PHTF1: variants seen among roughly 807,000 people sequenced by gnomAD.
The protein encoded by PHTF1 is protein PHTF1.
PHTF1 carries 88 observed loss-of-function variants against 102.4 expected under a neutral mutation model. That is an observed-to-expected ratio of 0.86 (90% CI 0.72 to 1.03). PHTF1 has a LOEUF of 1.03. Ranked by LOEUF, PHTF1 falls within the 50% of genes least tolerant of loss-of-function variation. PHTF1 has a pLI of 0.00. For synonymous variants in PHTF1, 289 were observed against 305.2 expected, an observed-to-expected ratio of 0.95 and a Z score of 0.55; for missense variants, 814 against 909.5, an observed-to-expected ratio of 0.89 and a Z score of 1.35.
At chr1:113,715,717 A>G (rs1651908555) in intron 7 of PHTF1, among the ~76,000 whole-genome samples, 1 of 149,966 alleles carries the variant, frequency 6.7e-6, no homozygotes, top group Non-Finnish European at 1.5e-5. Flanking sequence ...TCAAGAATAC[A>G]CAGAAGGAAT....
At chr1:113,702,688 A>G (rs1277458717) in intron 15 of PHTF1, among the ~76,000 whole-genome samples, 2 of 152,202 alleles carry the variant, frequency 1.3e-5, no homozygotes, top group Non-Finnish European at 2.9e-5. Flanking sequence ...ACACCAAGCA[A>G]CCATAAGAGG....
intron 13 of PHTF1, 52 bp downstream of exon 13, chr1:113,705,838 G>A (rs765050556): frequency 2.1e-6 from 3 of 1,407,888 alleles, no homozygotes; most frequent in Admixed American, 2.0e-5. Context: ...GCAACTCAAT[G>A]GAATATCATA....
In PHTF1 at chr1:113,759,063, G is replaced by T; in HGVS notation, c.-71C>A. 1 of 1,002,486 alleles carries T rather than the reference G, an allele frequency of 1.0e-6. No homozygotes were observed. Among genetic ancestry groups the T allele is most frequent in the Non-Finnish European group, 1.2e-6 (1 of 841,568 alleles). The allele number at this position is 1,002,486 out of a possible 1,614,324, so 62.1% of individuals were successfully genotyped here. ...CCGCGGGCCGGCGCCCGGGACCTCC[G>T]TCCTCAGTGCCCGGGGTCCCACCGT... On this transcript the variant is annotated 5_prime_UTR_variant, in exon 1 of 19. Transcript: ENST00000369604.
At position 113,758,830 on chromosome 1, in the gene PHTF1, T is replaced by A. The variant is rs1004484656; in HGVS notation, c.-30-97A>T. On this transcript the variant is annotated intron_variant, in intron 1 of 18. Transcript: ENST00000369604. ...AAAACCGCTTCTCTCAGCCTCTCCATGAGCTGCTCTTTCTCCAGCTGTTTG... is the reference window on the plus strand; with the variant it reads ...AAAACCGCTTCTCTCAGCCTCTCCAAGAGCTGCTCTTTCTCCAGCTGTTTG... The A allele has an allele frequency of 6.4e-6, 9 of 1,407,280 alleles. No homozygotes were observed. In the African/African-American group the frequency reaches 1.3e-4, roughly 21 times the overall value. The allele number at this position is 1,407,280 out of a possible 1,614,324, so 87.2% of individuals were successfully genotyped here. A position where few individuals can be genotyped will look rare whatever the true frequency, so the allele number is the denominator to read the frequency against.
chr1:113,758,742 G>T lies in PHTF1; in HGVS notation c.-30-9C>A. ...CAGAGAATGGGATTTCACTGAAAATGAAGGAAAACCAATCGGTGAGTCCAG... is the reference window on the plus strand; with the variant it reads ...CAGAGAATGGGATTTCACTGAAAATTAAGGAAAACCAATCGGTGAGTCCAG... On this transcript the variant is annotated splice_polypyrimidine_tract_variant and intron_variant, in intron 1 of 18. Transcript: ENST00000369604. The T allele has an allele frequency of 6.2e-7, 1 of 1,601,390 alleles. No homozygotes were observed. The highest frequency in any genetic ancestry group is 8.5e-7 in the Non-Finnish European group (1 of 1,174,644).
At chr1:113,717,353 G>A (rs1016207629) in intron 7 of PHTF1, among the ~76,000 whole-genome samples, 1 of 152,040 alleles carries the variant, frequency 6.6e-6, no homozygotes, top group African/African-American at 2.4e-5. Flanking sequence ...AAAGTGGCAG[G>A]AGTAAGTCCT....
At chr1:113,758,889 C>G (rs1659283131) in intron 1 of PHTF1, 134 bp downstream of exon 1, 1 of 1,271,118 alleles carries the variant, frequency 7.9e-7, no homozygotes, top group South Asian at 2.1e-5. Context: ...CAAAAAAAAA[C>G]TGGCGCAGCG....
At chr1:113,738,385 T>TAA (rs545525705) in intron 4 of PHTF1, 117 bp from the exon 5 acceptor site, 40 of 547,312 alleles carry the variant, frequency 7.3e-5, no homozygotes, top group Admixed American at 2.3e-4. Flanking sequence ...CCTGTTCAGT[T>TAA]AAAAAAAAAA....
At chr1:113,698,446 A>T in intron 17 of PHTF1, 59 bp from the exon 18 acceptor site, 1 of 1,516,218 alleles carries the variant, frequency 6.6e-7, no homozygotes, top group Non-Finnish European at 9.1e-7. Flanking sequence ...CTACTCAGTG[A>T]CTTCTTGCTG....
At chr1:113,706,874 T>C (rs1401361656) in intron 11 of PHTF1, 152 bp from the exon 12 acceptor site, 6 of 526,316 alleles carry the variant, frequency 1.1e-5, no homozygotes, top group Non-Finnish European at 1.9e-5. Flanking sequence ...TTTTTTTTTT[T>C]TGAGACAGGG....
chr1:113,706,724 T>G lies in PHTF1; in HGVS notation c.1270-2A>C. On this transcript the variant is annotated splice_acceptor_variant, in intron 11 of 18. Transcript: ENST00000369604. LOFTEE classifies it high-confidence loss of function. ...ATTCTGAAGCCAGAATAAATGATTC[T>G]GAGAAGAAAAATATAAAATTGTTTC... 6.3e-7 allele frequency: 1 copy of G among 1,596,854 alleles called. No homozygotes were observed. Among genetic ancestry groups the G allele is most frequent in the Non-Finnish European group, 8.5e-7 (1 of 1,172,116 alleles).
At chr1:113,727,021 G>T (rs954449953) in intron 5 of PHTF1, among the ~76,000 whole-genome samples, 1 of 150,456 alleles carries the variant, frequency 6.6e-6, no homozygotes, top group Non-Finnish European at 1.5e-5. Context: ...CATATATAAT[G>T]AAGAAGAAAT....
Position 113,697,256 on chromosome 1 carries a change from A to T in PHTF1, c.*449T>A, listed in dbSNP as rs902520578. On this transcript the variant is annotated 3_prime_UTR_variant, in exon 19 of 19. Transcript: ENST00000369604. ...GATTTAACCTAAAATAGTTCGCTTG[A>T]TCTCTCTTTGATAGAGAAATGAAAT... The T allele has an allele frequency of 6.6e-6, 1 of 152,604 alleles. No homozygotes were observed. Among genetic ancestry groups the T allele is most frequent in the African/African-American group, 2.4e-5 (1 of 41,458 alleles). 9.5% of individuals were successfully genotyped at this position (152,604 alleles called of 1,614,324 possible).
At chr1:113,746,956 T>C (rs1225342206) in intron 3 of PHTF1, 1 of 226,602 alleles carries the variant, frequency 4.4e-6, no homozygotes, top group East Asian at 1.8e-4. Context: ...ATTCATTTCT[T>C]ACTGTTGAAG....
At chr1:113,749,170 T>C (rs1316733434) in intron 3 of PHTF1, among the ~76,000 whole-genome samples, 1 of 152,220 alleles carries the variant, frequency 6.6e-6, no homozygotes. Context: ...AAGGTAGTAA[T>C]TATATCTTTA....
intron 15 of PHTF1, 21 bp downstream of exon 15, chr1:113,704,060 A>G: frequency 6.6e-7 from 1 of 1,524,430 alleles, no homozygotes. Context: ...TTTTTCCTTA[A>G]AGCAGATGTG....
chr1:113,754,092 T>C (rs1250158335), intron 3 of PHTF1, among the ~76,000 whole-genome samples: 1 of 152,188 alleles, frequency 6.6e-6, no homozygotes, highest in Non-Finnish European at 1.5e-5. Context: ...CTCAACCACT[T>C]TGTCATAAAT....
At position 113,711,894 on chromosome 1, in the gene PHTF1, T is replaced by G. The variant is rs765284634; in HGVS notation, c.957+46A>C. On this transcript the variant is annotated intron_variant, in intron 9 of 18. Transcript: ENST00000369604. Reference sequence around the variant, plus strand: ...ATATGTTAAATGCTTTGTTACTAACTTCAATGATTCAGTCCTATACTTTCA... The same window carrying G: ...ATATGTTAAATGCTTTGTTACTAACGTCAATGATTCAGTCCTATACTTTCA... 13 of 1,602,040 alleles carry G rather than the reference T, an allele frequency of 8.1e-6. No homozygotes were observed. The South Asian group carries it at 9.9e-5, about 12-fold the overall frequency.
chr1:113,702,863 AG>A (rs1457366255), intron 15 of PHTF1, among the ~76,000 whole-genome samples: 1 of 152,246 alleles, frequency 6.6e-6, no homozygotes, highest in Non-Finnish European at 1.5e-5. Context: ...GGGTCATGAA[AG>A]GCAAAGCCTG....
Sources: allele counts gnomAD v4.1 joint callset (sites outside exome capture counted in the v4.1 genomes callset), GRCh38; gene constraint gnomAD v4.1.1; transcripts MANE v1.5; gene names NCBI Gene and HGNC (gene_info 2026-07-23, HGNC 2026-07-21).